Variants in LMCD1 observed in about 807,000 individuals in gnomAD.
LMCD1 encodes the protein LIM and cysteine rich domains 1.
In LMCD1, 32 loss-of-function variants were observed where a neutral mutation model predicts 42.7. The ratio of observed to expected loss-of-function variants is 0.75; its 90% CI spans 0.57 to 1.01. LMCD1 has a LOEUF of 1.01. LMCD1 is among the 50% of genes least tolerant of loss of function. The probability of loss-of-function intolerance (pLI) is 0.00; values close to 1 mark genes in which losing one functional copy is unlikely to be tolerated. For missense variants in LMCD1, 458 were observed against 483.1 expected (o/e 0.95, Z 0.49); for synonymous variants, 178 against 184.9 (o/e 0.96, Z 0.30).
chr3:8,535,647 G>A (rs756404615), intron 2 of LMCD1, among the ~76,000 whole-genome samples: 3 of 152,190 alleles, frequency 2.0e-5, no homozygotes, highest in African/African-American at 7.2e-5. Flanking sequence ...TGGAGAACTG[G>A]CCCAGGCCAG....
In LMCD1 at chr3:8,548,603, G is replaced by A; in HGVS notation, c.423G>A (p.Lys141=). 6.2e-7 allele frequency: 1 copy of A among 1,613,936 alleles called. No homozygotes were observed. Among genetic ancestry groups the A allele is most frequent in the Non-Finnish European group, 8.5e-7 (1 of 1,179,848 alleles). ...LQYMELIPKE[K]QPVTGTEGAF... ...ACATGGAGCTCATCCCCAAGGAGAA[G>A]CAGCCAGTGACAGGCACAGAGGGTG... Residue 141 remains lysine (K), a synonymous_variant, in exon 4 of 6, where the codon AAG becomes AAA. Coordinates refer to ENST00000157600, the MANE Select transcript of LMCD1 (RefSeq NM_014583.4).
chr3:8,508,545 C>T (rs1192124893), intron 1 of LMCD1, among the ~76,000 whole-genome samples: 1 of 152,172 alleles, frequency 6.6e-6, no homozygotes, highest in African/African-American at 2.4e-5. Context: ...GAGACAAAGG[C>T]TAATGAGCCA....
chr3:8,516,247 A>G (rs1433671662), intron 1 of LMCD1, among the ~76,000 whole-genome samples: 1 of 152,152 alleles, frequency 6.6e-6, no homozygotes, highest in Non-Finnish European at 1.5e-5. Flanking sequence ...GGATCACGGA[A>G]CAACAGCAGC....
rs1441095248 is a variant in LMCD1 at position 8,571,648 on chromosome 3, T to A, written c.*4050T>A. The A allele has an allele frequency of 6.6e-6, 1 of 152,252 alleles. No individual in the cohort carries two copies. The highest frequency in any genetic ancestry group is 1.9e-4 in the East Asian group (1 of 5,202). 9.4% of individuals were successfully genotyped at this position (152,252 alleles called of 1,614,324 possible). The stretch of plus-strand genomic sequence containing the variant: ...TTTATGTAAATTGGCTTTGCCAACC[T>A]GGTCTGCAGCTGGAGAAAGGCCATG... On this transcript the variant is annotated 3_prime_UTR_variant, in exon 6 of 6. Transcript: ENST00000157600.
intron 1 of LMCD1, among the ~76,000 whole-genome samples, chr3:8,503,484 TAGA>T (rs1693809445): frequency 6.6e-6 from 1 of 152,258 alleles, no homozygotes; most frequent in Non-Finnish European, 1.5e-5. Flanking sequence ...TTTAGACTCT[TAGA>T]AGATACCTAT....
intron 1 of LMCD1, among the ~76,000 whole-genome samples, chr3:8,521,049 G>A (rs1694196384): frequency 6.6e-6 from 1 of 152,166 alleles, no homozygotes; most frequent in Admixed American, 6.5e-5. Flanking sequence ...TAGTTCAAAG[G>A]GAGCTGGTGT....
At chr3:8,546,637 G>A (rs1286078270) in intron 3 of LMCD1, among the ~76,000 whole-genome samples, 1 of 151,642 alleles carries the variant, frequency 6.6e-6, no homozygotes, top group African/African-American at 2.4e-5. Context: ...TCCCGCTAGA[G>A]GGTCAGCTCA....
At chr3:8,554,811 G>C (rs965480978) in intron 4 of LMCD1, among the ~76,000 whole-genome samples, 1 of 152,140 alleles carries the variant, frequency 6.6e-6, no homozygotes, top group Non-Finnish European at 1.5e-5. Context: ...CAGATTTCCC[G>C]GGTATGGTCA....
At chr3:8,544,533 G>A (rs1694697665) in intron 3 of LMCD1, among the ~76,000 whole-genome samples, 1 of 152,100 alleles carries the variant, frequency 6.6e-6, no homozygotes, top group Non-Finnish European at 1.5e-5. Context: ...CAGGAGCTCA[G>A]GTCACCTGCC....
chr3:8,556,181 C>A (rs898564153), intron 4 of LMCD1, among the ~76,000 whole-genome samples: 45 of 152,092 alleles, frequency 3.0e-4, no homozygotes, highest in African/African-American at 1.0e-3. Context: ...TTTACTTAAT[C>A]CTAAGAATTA....
In LMCD1 at chr3:8,568,775, A is replaced by T. The variant is rs973136435; in HGVS notation, c.*1177A>T. On this transcript the variant is annotated 3_prime_UTR_variant, in exon 6 of 6. Transcript: ENST00000157600. ...CTTTCCCACAGTTTCTAAGAAAAACATATTTTTCTACTGGGAGTATAAGGA... is the reference window on the plus strand; with the variant it reads ...CTTTCCCACAGTTTCTAAGAAAAACTTATTTTTCTACTGGGAGTATAAGGA... 11 of 152,304 alleles carry T rather than the reference A, an allele frequency of 7.2e-5. No homozygotes were observed. The highest frequency in any genetic ancestry group is 6.5e-4 in the Admixed American group (10 of 15,296). The allele number at this position is 152,304 out of a possible 1,614,324, so 9.4% of individuals were successfully genotyped here.
intron 4 of LMCD1, among the ~76,000 whole-genome samples, chr3:8,560,391 T>C (rs1329660242): frequency 6.6e-6 from 1 of 152,170 alleles, no homozygotes; most frequent in Non-Finnish European, 1.5e-5. Flanking sequence ...CTTCCTTCAG[T>C]GTATCATCAG....
intron 1 of LMCD1, among the ~76,000 whole-genome samples, chr3:8,505,349 G>A (rs1693858252): frequency 6.6e-6 from 1 of 152,166 alleles, no homozygotes; most frequent in African/African-American, 2.4e-5. Context: ...TTCTGAACAT[G>A]GATTGCCAGT....
intron 4 of LMCD1, among the ~76,000 whole-genome samples, chr3:8,558,665 TA>T (rs1559357324): frequency 6.6e-6 from 1 of 152,236 alleles, no homozygotes; most frequent in Admixed American, 6.5e-5. Context: ...CATTTGACCA[TA>T]CTAGCTCCTT....
intron 1 of LMCD1, among the ~76,000 whole-genome samples, chr3:8,526,840 T>C (rs1694312189): frequency 1.3e-5 from 2 of 152,304 alleles, no homozygotes; most frequent in South Asian, 4.1e-4. Flanking sequence ...TTGTTACTTT[T>C]GATTATGGAA....
intron 1 of LMCD1, among the ~76,000 whole-genome samples, chr3:8,521,326 A>G (rs1434331428): frequency 1.3e-5 from 2 of 152,192 alleles, no homozygotes; most frequent in African/African-American, 2.4e-5. Context: ...ACACAGATCC[A>G]GTCACCCAGC....
At chr3:8,502,569 T>TACACACACAC (rs5846600) in intron 1 of LMCD1, among the ~76,000 whole-genome samples, 1 of 134,354 alleles carries the variant, frequency 7.4e-6, no homozygotes, top group Admixed American at 8.3e-5. Context: ...TTTCCCCCAA[T>TACACACACAC]ACACACACAC....
At chr3:8,533,182 C>A (rs555341432) in intron 2 of LMCD1, among the ~76,000 whole-genome samples, 2 of 152,164 alleles carry the variant, frequency 1.3e-5, no homozygotes, top group East Asian at 3.9e-4. Context: ...GGGGTGATCT[C>A]CCCTCACTGC....
rs1290486862 is a variant in LMCD1, at chr3:8,501,935, G to A, written c.-4G>A. 1 of 1,592,740 alleles carries A rather than the reference G, an allele frequency of 6.3e-7. No individual in the cohort carries two copies. Among genetic ancestry groups the A allele is most frequent in the East Asian group, 2.4e-5 (1 of 42,138 alleles). ...CAGGCGCTGTTCCCCCACCCCAGAAGAGGATGGCAAAGGTGGCTAAGGACC... is the reference window on the plus strand; with the variant it reads ...CAGGCGCTGTTCCCCCACCCCAGAAAAGGATGGCAAAGGTGGCTAAGGACC... On this transcript the variant is annotated 5_prime_UTR_variant, in exon 1 of 6. Coordinates refer to ENST00000157600, the MANE Select transcript of LMCD1 (RefSeq NM_014583.4).
Sources: gnomAD v4.1 joint callset for allele counts (sites outside exome capture counted in the v4.1 genomes callset) on GRCh38, gnomAD v4.1.1 for gene constraint, MANE v1.5 for transcripts, NCBI Gene and HGNC (gene_info 2026-07-23, HGNC 2026-07-21) for gene names.